DGKB: variants seen among roughly 807,000 people sequenced by gnomAD.
The protein encoded by DGKB is diacylglycerol kinase beta.
DGKB carries 67 observed loss-of-function variants against 114.3 expected under a neutral mutation model. The observed-to-expected ratio is 0.59, with a 90% CI of 0.48 to 0.72. The LOEUF is 0.72. Ranked by LOEUF, DGKB falls within the 30% of genes least tolerant of loss-of-function variation. DGKB has a pLI of 0.00. For synonymous variants in DGKB, 398 were observed against 323.1 expected (o/e 1.23, Z -2.49); for missense variants, 907 against 975.2 (o/e 0.93, Z 0.93).
intron 15 of DGKB, among the ~76,000 whole-genome samples, chr7:14,619,645 A>G (rs1164385950): frequency 6.6e-6 from 1 of 151,620 alleles, no homozygotes; most frequent in Non-Finnish European, 1.5e-5. Context: ...ATTTTAAGCA[A>G]AGAGACAGGG....
At chr7:14,765,445 T>A (rs1038218839) in intron 2 of DGKB, among the ~76,000 whole-genome samples, 2 of 151,966 alleles carry the variant, frequency 1.3e-5, no homozygotes, top group Non-Finnish European at 2.9e-5. Flanking sequence ...TGAAGAAAAT[T>A]TCCTTTCTCC....
At chr7:14,660,477 T>C (rs1462096998) in intron 13 of DGKB, among the ~76,000 whole-genome samples, 1 of 152,134 alleles carries the variant, frequency 6.6e-6, no homozygotes, top group African/African-American at 2.4e-5. Context: ...AATTTATCCA[T>C]TTCTTCTAGA....
intron 20 of DGKB, among the ~76,000 whole-genome samples, chr7:14,523,392 C>T (rs901352191): frequency 6.6e-6 from 1 of 152,146 alleles, no homozygotes; most frequent in Non-Finnish European, 1.5e-5. Flanking sequence ...CATAGCCATG[C>T]ATGCTCCCTC....
intron 21 of DGKB, among the ~76,000 whole-genome samples, chr7:14,405,866 C>T (rs1361717727): frequency 2.6e-5 from 4 of 151,826 alleles, no homozygotes; most frequent in Admixed American, 1.3e-4. Context: ...ACAAAGGAAC[C>T]GAGGCAGGAA....
intron 17 of DGKB, among the ~76,000 whole-genome samples, chr7:14,606,990 A>C (rs938838844): frequency 6.6e-6 from 1 of 151,978 alleles, no homozygotes; most frequent in Non-Finnish European, 1.5e-5. Flanking sequence ...AATATAAATA[A>C]CTCCTACATG....
intron 23 of DGKB, among the ~76,000 whole-genome samples, chr7:14,284,955 T>C (rs983307884): frequency 2.6e-5 from 4 of 151,670 alleles, no homozygotes; most frequent in Non-Finnish European, 5.9e-5. Flanking sequence ...GGCACATGTA[T>C]ATGTATGTAA....
chr7:14,579,901 T>C (rs1799677904), intron 19 of DGKB, among the ~76,000 whole-genome samples: 1 of 152,210 alleles, frequency 6.6e-6, no homozygotes, highest in South Asian at 2.1e-4. Flanking sequence ...TCTGTTCACC[T>C]TGTCTTAGTA....
At chr7:14,838,726 T>C (rs898898398) in intron 2 of DGKB, among the ~76,000 whole-genome samples, 37 of 152,224 alleles carry the variant, frequency 2.4e-4, no homozygotes, top group Non-Finnish European at 5.9e-5. Flanking sequence ...ATATACCATC[T>C]TCTCAGTCGT....
intron 1 of DGKB, among the ~76,000 whole-genome samples, chr7:14,958,271 G>A (rs1786630234): frequency 6.6e-6 from 1 of 152,082 alleles, no homozygotes. Context: ...GGCCTGAATG[G>A]TCTCATGAGG....
chr7:14,887,276 C>T lies in DGKB; in HGVS notation c.-188+15316G>A, dbSNP rs540444096. ...CTGTAGTTGATCTGCAATCATCTTG[C>T]TGATCTTCTCAGCAACAATTGACAC... On this transcript the variant is annotated intron_variant, in intron 1 of 25. Transcript: ENST00000402815. Among the ~76,000 whole-genome samples the T allele has an allele frequency of 4.9e-4, 74 of 151,968 alleles. 1 individual carries two copies. In the South Asian group the frequency reaches 5.2e-3, roughly 11 times the overall value.
chr7:14,424,095 T>G (rs1273777091), intron 21 of DGKB, among the ~76,000 whole-genome samples: 2 of 152,062 alleles, frequency 1.3e-5, no homozygotes, highest in African/African-American at 4.8e-5. Flanking sequence ...ATCCTTACTC[T>G]CTACGTCTTC....
At chr7:14,594,022 T>C (rs1469249320) in intron 17 of DGKB, among the ~76,000 whole-genome samples, 1 of 152,120 alleles carries the variant, frequency 6.6e-6, no homozygotes, top group East Asian at 1.9e-4. Flanking sequence ...CTGTGCTCAG[T>C]TCATTGGAAC....
chr7:14,959,702 C>T (rs1264639038), intron 1 of DGKB, among the ~76,000 whole-genome samples: 1 of 150,864 alleles, frequency 6.6e-6, no homozygotes, highest in Non-Finnish European at 1.5e-5. Context: ...ATTTCCTCCA[C>T]AATCATATCT....
intron 21 of DGKB, among the ~76,000 whole-genome samples, chr7:14,437,510 A>T (rs548886417): frequency 6.6e-6 from 1 of 152,020 alleles, no homozygotes; most frequent in African/African-American, 2.4e-5. Flanking sequence ...TATATTTTTT[A>T]AAGTTTCTAA....
chr7:14,196,144 G>C (rs1194879379), intron 23 of DGKB, among the ~76,000 whole-genome samples: 3 of 152,086 alleles, frequency 2.0e-5, no homozygotes, highest in African/African-American at 7.2e-5. Context: ...GCTTAGAACA[G>C]TGTGTGTATT....
intron 13 of DGKB, among the ~76,000 whole-genome samples, chr7:14,671,667 G>A (rs1175050843): frequency 6.6e-6 from 1 of 152,036 alleles, no homozygotes; most frequent in Non-Finnish European, 1.5e-5. Flanking sequence ...TGAATTGAGT[G>A]GGGTCTTGCA....
intron 23 of DGKB, among the ~76,000 whole-genome samples, chr7:14,222,169 T>A (rs1790088949): frequency 6.6e-6 from 1 of 150,970 alleles, no homozygotes; most frequent in African/African-American, 2.4e-5. Flanking sequence ...TTAATCTTTG[T>A]TTTTTCCTTC....
At chr7:14,177,504 A>G (rs2128245033) in intron 24 of DGKB, among the ~76,000 whole-genome samples, 1 of 146,920 alleles carries the variant, frequency 6.8e-6, no homozygotes, top group African/African-American at 2.6e-5. Context: ...CAGTGAGCCA[A>G]GATCGTGCCA....
At chr7:14,580,192 C>T (rs758903843) in intron 19 of DGKB, among the ~76,000 whole-genome samples, 1 of 152,156 alleles carries the variant, frequency 6.6e-6, no homozygotes, top group Non-Finnish European at 1.5e-5. Context: ...CTCAATGTTC[C>T]CTCCGCCTAT....
Sources: gnomAD v4.1 joint callset for allele counts (sites outside exome capture counted in the v4.1 genomes callset) on GRCh38, gnomAD v4.1.1 for gene constraint, MANE v1.5 for transcripts, NCBI Gene and HGNC (gene_info 2026-07-23, HGNC 2026-07-21) for gene names.